Variants in KATNAL2 observed in about 807,000 individuals in gnomAD.
KATNAL2 encodes katanin catalytic subunit A1 like 2, also known as katanin p60 ATPase-containing subunit A-like 2.
Under a neutral mutation model 76.3 loss-of-function variants are expected in KATNAL2, and 52 were observed. That is an observed-to-expected ratio of 0.68 (90% CI 0.55 to 0.86). The LOEUF (loss-of-function observed/expected upper bound fraction) is 0.86, where lower values mean the gene tolerates loss of function less well. Among genes scored for constraint, KATNAL2 ranks in the 40% least tolerant of loss-of-function variants. The probability of loss-of-function intolerance (pLI) is 0.00; values close to 1 mark genes in which losing one functional copy is unlikely to be tolerated. For missense variants in KATNAL2, 660 were observed against 668.9 expected, an observed-to-expected ratio of 0.99 and a Z score of 0.15; for synonymous variants, 243 against 244.2, an observed-to-expected ratio of 1.00 and a Z score of 0.05.
chr18:47,053,714 G>A (rs1302506516), intron 5 of KATNAL2, among the ~76,000 whole-genome samples: 1 of 152,206 alleles, frequency 6.6e-6, no homozygotes, highest in Non-Finnish European at 1.5e-5. Context: ...TAGGGACCGG[G>A]AAACCAAGAG....
intron 13 of KATNAL2, among the ~76,000 whole-genome samples, chr18:47,071,105 G>A (rs1427133358): frequency 7.9e-5 from 12 of 152,130 alleles, no homozygotes; most frequent in Non-Finnish European, 1.6e-4. Flanking sequence ...GGGTTTCCCA[G>A]GATCGACTGT....
intron 15 of KATNAL2, among the ~76,000 whole-genome samples, chr18:47,094,789 A>G (rs755582655): frequency 6.6e-6 from 1 of 152,188 alleles, no homozygotes; most frequent in Non-Finnish European, 1.5e-5. Context: ...TTGCTTCAGT[A>G]CAGTACACTA....
chr18:46,923,231 C>T (rs765883861), intron 1 of KATNAL2, among the ~76,000 whole-genome samples: 26 of 99,218 alleles, frequency 2.6e-4, no homozygotes, highest in Non-Finnish European at 4.3e-4. Flanking sequence ...CACCCCACAA[C>T]AGTCCCCGTC....
At chr18:47,053,166 G>A (rs2061383809) in intron 5 of KATNAL2, 120 bp downstream of exon 5, 1 of 794,112 alleles carries the variant, frequency 1.3e-6, no homozygotes. Flanking sequence ...AGGCCAGGAG[G>A]ATTGTGTAGC....
intron 10 of KATNAL2, among the ~76,000 whole-genome samples, chr18:47,064,594 AC>A (rs534096957): frequency 1.2e-3 from 182 of 152,212 alleles, no homozygotes; most frequent in South Asian, 4.8e-3. Flanking sequence ...AGATGGGGAG[AC>A]CATCTATAAG....
intron 1 of KATNAL2, among the ~76,000 whole-genome samples, chr18:46,944,498 A>G (rs1397125936): frequency 6.6e-6 from 1 of 152,012 alleles, no homozygotes; most frequent in African/African-American, 2.4e-5. Flanking sequence ...TGGGAGGCCA[A>G]GGGGTGGGGG....
At chr18:46,931,514 G>A (rs2058921456) in intron 1 of KATNAL2, among the ~76,000 whole-genome samples, 4 of 152,020 alleles carry the variant, frequency 2.6e-5, no homozygotes, top group Middle Eastern at 3.4e-3. Flanking sequence ...TTAGCTGGGC[G>A]TGGTCGCACA....
intron 15 of KATNAL2, among the ~76,000 whole-genome samples, chr18:47,088,404 G>A (rs1468115904): frequency 1.3e-5 from 2 of 152,168 alleles, no homozygotes; most frequent in Admixed American, 1.3e-4. Context: ...AACTAGAGAA[G>A]AATGGGCTAC....
chr18:47,037,767 C>T (rs1461601066), intron 3 of KATNAL2, among the ~76,000 whole-genome samples: 2 of 152,142 alleles, frequency 1.3e-5, no homozygotes, highest in Non-Finnish European at 2.9e-5. Context: ...TCACTCTTAC[C>T]ACAAAATAAA....
At chr18:46,926,216 G>A (rs186558643) in intron 1 of KATNAL2, among the ~76,000 whole-genome samples, 1,561 of 151,954 alleles carry the variant, frequency 0.01, 11 homozygotes, top group Non-Finnish European at 0.017. Context: ...TCTCTTGTGG[G>A]CATTTAGTAC....
chr18:47,074,944 T>C (rs2062144099), intron 13 of KATNAL2, among the ~76,000 whole-genome samples: 1 of 152,198 alleles, frequency 6.6e-6, no homozygotes, highest in Non-Finnish European at 1.5e-5. Context: ...ATGGAACATA[T>C]TATTGGCAGG....
chr18:47,068,131 A>C (rs2061871979), intron 11 of KATNAL2, among the ~76,000 whole-genome samples: 1 of 152,222 alleles, frequency 6.6e-6, no homozygotes, highest in Non-Finnish European at 1.5e-5. Context: ...CTAATGTCCC[A>C]CTGGCCAAAG....
At chr18:47,051,065 G>A (rs1032828262) in intron 4 of KATNAL2, among the ~76,000 whole-genome samples, 4 of 152,090 alleles carry the variant, frequency 2.6e-5, no homozygotes, top group South Asian at 2.1e-4. Context: ...TAGCCTCTGC[G>A]TCTCTCTCTT....
intron 3 of KATNAL2, among the ~76,000 whole-genome samples, chr18:47,036,628 T>G (rs557638489): frequency 6.6e-6 from 1 of 152,392 alleles, no homozygotes; most frequent in South Asian, 2.1e-4. Context: ...CTCTTGTCTC[T>G]AGCTATTATT....
At chr18:47,087,608 T>C (rs772852113) in intron 15 of KATNAL2, among the ~76,000 whole-genome samples, 5 of 152,132 alleles carry the variant, frequency 3.3e-5, no homozygotes, top group Non-Finnish European at 7.4e-5. Context: ...CTGGGCTTTG[T>C]GCCTGACTGA....
rs576142967 is a variant in KATNAL2 at position 46,943,758 on chromosome 18, C to T, written c.-509-2299C>T. ...CTTCCTTGTGCAAGATTTAAGAACC[C>T]TCTTTTGGGGTCTGCATCAGGACTC... On this transcript the variant is annotated intron_variant, in intron 1 of 17. Transcript: ENST00000683218. Among the ~76,000 whole-genome samples, 3 of 152,290 alleles carry T rather than the reference C, an allele frequency of 2.0e-5. No homozygotes were observed. In the South Asian group the frequency reaches 6.2e-4, roughly 32 times the overall value.
At chr18:47,053,181 C>A in intron 5 of KATNAL2, 135 bp downstream of exon 5, 2 of 693,314 alleles carry the variant, frequency 2.9e-6, no homozygotes, top group South Asian at 2.2e-5. Context: ...TGTAGCCATT[C>A]TCATATCCAG....
At chr18:47,095,541 A>C (rs1434549652) in intron 15 of KATNAL2, among the ~76,000 whole-genome samples, 1 of 152,198 alleles carries the variant, frequency 6.6e-6, no homozygotes, top group African/African-American at 2.4e-5. Context: ...TGGAACTGTG[A>C]GTCAATTAAA....
At chr18:47,034,047 T>C in intron 3 of KATNAL2, 2 of 1,614,194 alleles carry the variant, frequency 1.2e-6, no homozygotes, top group Non-Finnish European at 1.7e-6. Context: ...TATCTCCAAG[T>C]GCAGTGGTGG....
Sources: gnomAD v4.1 joint callset for allele counts (sites outside exome capture counted in the v4.1 genomes callset) on GRCh38, gnomAD v4.1.1 for gene constraint, MANE v1.5 for transcripts, NCBI Gene and HGNC (gene_info 2026-07-23, HGNC 2026-07-21) for gene names.